Variants in KCNH1 observed in about 807,000 individuals in gnomAD.
The protein encoded by KCNH1 is voltage-gated delayed rectifier potassium channel KCNH1.
KCNH1 carries 27 observed loss-of-function variants against 69.2 expected under a neutral mutation model. That is an observed-to-expected ratio of 0.39 (90% CI 0.29 to 0.54). KCNH1 has a LOEUF of 0.54. KCNH1 is among the 20% of genes least tolerant of loss of function. The pLI, the probability that KCNH1 is intolerant of heterozygous loss-of-function variation, is 0.68. For synonymous variants in KCNH1, 456 were observed against 487.7 expected (o/e 0.93, Z 0.86); for missense variants, 798 against 1,261.6 (o/e 0.63, Z 5.57).
At chr1:211,004,218 C>T (rs998126618) in intron 6 of KCNH1, among the ~76,000 whole-genome samples, 10 of 151,968 alleles carry the variant, frequency 6.6e-5, no homozygotes, top group African/African-American at 2.2e-4. Flanking sequence ...GAATTGGTCA[C>T]CAGCAGACTA....
At chr1:211,044,386 G>T (rs191757010) in intron 5 of KCNH1, among the ~76,000 whole-genome samples, 5 of 152,090 alleles carry the variant, frequency 3.3e-5, no homozygotes, top group African/African-American at 1.2e-4. Context: ...AAAAGCAAAC[G>T]CAATAAAAAC....
intron 1 of KCNH1, among the ~76,000 whole-genome samples, chr1:211,109,775 C>T (rs907193867): frequency 6.7e-6 from 1 of 148,812 alleles, no homozygotes; most frequent in African/African-American, 2.5e-5. Flanking sequence ...CAAAAAAAAA[C>T]TGGGGAAGAA....
chr1:211,053,460 C>T (rs4131710), intron 5 of KCNH1, among the ~76,000 whole-genome samples: 111,839 of 152,126 alleles, frequency 0.74, 41,588 homozygotes, highest in South Asian at 0.83. Flanking sequence ...CCACAAGCTC[C>T]TGCTGGAGCG....
chr1:211,030,633 A>C (rs1689765233), intron 5 of KCNH1, among the ~76,000 whole-genome samples: 2 of 152,088 alleles, frequency 1.3e-5, no homozygotes, highest in African/African-American at 4.8e-5. Flanking sequence ...CTTAAATATA[A>C]AACATAAAAC....
intron 5 of KCNH1, among the ~76,000 whole-genome samples, chr1:211,034,752 GT>G (rs1689862468): frequency 6.6e-6 from 1 of 152,178 alleles, no homozygotes; most frequent in Non-Finnish European, 1.5e-5. Flanking sequence ...AGGGAGGCAA[GT>G]TATACAGGGG....
intron 10 of KCNH1, among the ~76,000 whole-genome samples, chr1:210,726,485 G>A (rs953536257): frequency 1.3e-5 from 2 of 152,128 alleles, no homozygotes; most frequent in African/African-American, 4.8e-5. Context: ...ATCATCTCAG[G>A]GAGGCAAGCT....
Position 211,080,014 on chromosome 1 carries a change from G to A in KCNH1, c.558+2766C>T, listed in dbSNP as rs182655396. Among the ~76,000 whole-genome samples, 160 of 152,334 alleles carry A rather than the reference G, an allele frequency of 1.1e-3. 1 individual carries two copies. The highest frequency in any genetic ancestry group is 6.8e-3 in the Middle Eastern group (2 of 294). ...AATAAAAGGTATTTAATTAGGAAAA[G>A]AGGAAGTCAAATTGTCCCTGTTTGC... On this transcript the variant is annotated intron_variant, in intron 5 of 10. Coordinates refer to ENST00000271751, the MANE Select transcript of KCNH1 (RefSeq NM_172362.3).
chr1:210,923,928 A>T (rs1283634740), intron 6 of KCNH1, among the ~76,000 whole-genome samples: 2 of 152,222 alleles, frequency 1.3e-5, no homozygotes, highest in Non-Finnish European at 2.9e-5. Context: ...GTTAGTTAAG[A>T]TGAGGTCATA....
chr1:210,860,820 CT>C lies in KCNH1; in HGVS notation c.1463-56655del, dbSNP rs1348082928. 7.8e-6 allele frequency: 7 copies of C among 897,398 alleles called. No homozygotes were observed. In the East Asian group the frequency reaches 1.7e-4, roughly 22 times the overall value. 55.6% of individuals were successfully genotyped at this position (897,398 alleles called of 1,614,324 possible). On this transcript the variant is annotated intron_variant, in intron 7 of 10. Transcript: ENST00000271751. ...TTTGAATGTTCTGATCACTTTTGAA[CT>C]TTACTTCACAAAAATAGTGAAGTAC...
intron 5 of KCNH1, among the ~76,000 whole-genome samples, chr1:211,025,530 A>C (rs1689668098): frequency 6.6e-6 from 1 of 152,132 alleles, no homozygotes; most frequent in African/African-American, 2.4e-5. Flanking sequence ...TTTGGCCTTT[A>C]AGAATTGTTG....
intron 7 of KCNH1, among the ~76,000 whole-genome samples, chr1:210,810,093 C>A (rs1293783665): frequency 6.6e-6 from 1 of 151,998 alleles, no homozygotes; most frequent in Non-Finnish European, 1.5e-5. Context: ...TATGAGACAT[C>A]TTCTAATAGC....
At chr1:210,945,478 C>T (rs1687941199) in intron 6 of KCNH1, among the ~76,000 whole-genome samples, 2 of 152,176 alleles carry the variant, frequency 1.3e-5, no homozygotes, top group East Asian at 1.9e-4. Flanking sequence ...AATTCAAACC[C>T]AAGCCACCTG....
rs1296536919 is a variant in KCNH1 at position 211,107,395 on chromosome 1, AAG to A, written c.80-20_80-19del. ...ATTAGTATCTGTTAAAAAAAAAAAAAAGGGAAAAAAGGGCACATGAGGCAACA... is the reference window on the plus strand; with the variant it reads ...ATTAGTATCTGTTAAAAAAAAAAAAAGGAAAAAAGGGCACATGAGGCAACA... On this transcript the variant is annotated intron_variant, in intron 1 of 10. Coordinates refer to ENST00000271751, the MANE Select transcript of KCNH1 (RefSeq NM_172362.3). 6.7e-7 allele frequency: 1 copy of A among 1,494,388 alleles called. No homozygotes were observed. Among genetic ancestry groups the A allele is most frequent in the South Asian group, 1.2e-5 (1 of 84,518 alleles). 92.6% of individuals were successfully genotyped at this position (1,494,388 alleles called of 1,614,324 possible).
At chr1:210,771,396 G>A (rs1035456187) in intron 10 of KCNH1, among the ~76,000 whole-genome samples, 1 of 152,172 alleles carries the variant, frequency 6.6e-6, no homozygotes, top group Admixed American at 6.5e-5. Context: ...CCTCTTCACT[G>A]TCAGGAGCTG....
intron 7 of KCNH1, among the ~76,000 whole-genome samples, chr1:210,886,755 A>C (rs1399807286): frequency 1.3e-5 from 2 of 152,204 alleles, no homozygotes; most frequent in African/African-American, 4.8e-5. Context: ...AATATACACA[A>C]GTATCAGTAA....
intron 7 of KCNH1, chr1:210,860,465 C>T (rs568909185): frequency 2.3e-6 from 2 of 875,502 alleles, no homozygotes; most frequent in East Asian, 2.4e-5. Flanking sequence ...ATAGCAGTAA[C>T]TGCTTTGTCA....
intron 7 of KCNH1, among the ~76,000 whole-genome samples, chr1:210,819,686 C>T (rs1053465038): frequency 2.0e-5 from 3 of 152,140 alleles, no homozygotes; most frequent in Non-Finnish European, 2.9e-5. Flanking sequence ...AAAAAAATAA[C>T]CATTAGAAAT....
At chr1:210,691,845 GC>G (rs1341276482) in intron 10 of KCNH1, among the ~76,000 whole-genome samples, 5 of 152,202 alleles carry the variant, frequency 3.3e-5, no homozygotes, top group Non-Finnish European at 5.9e-5. Flanking sequence ...AAAAAAGAGG[GC>G]TAGCAACACA....
At chr1:210,975,671 A>G (rs1307893606) in intron 6 of KCNH1, among the ~76,000 whole-genome samples, 1 of 152,210 alleles carries the variant, frequency 6.6e-6, no homozygotes, top group East Asian at 1.9e-4. Flanking sequence ...AGGCAACACC[A>G]TTCAGGACAT....
Sources: gnomAD v4.1 joint callset for allele counts (sites outside exome capture counted in the v4.1 genomes callset) on GRCh38, gnomAD v4.1.1 for gene constraint, MANE v1.5 for transcripts, NCBI Gene and HGNC (gene_info 2026-07-23, HGNC 2026-07-21) for gene names.